The following CC2D1B variants were observed in gnomAD, a reference collection of about 807,000 sequenced individuals.
The protein encoded by CC2D1B is coiled-coil and C2 domain-containing protein 1B.
A neutral mutation model predicts 110.8 loss-of-function variants in CC2D1B; 92 were observed. The observed-to-expected ratio is 0.83, with a 90% CI of 0.70 to 0.99. The LOEUF (loss-of-function observed/expected upper bound fraction) is 0.99. CC2D1B is among the 50% of genes least tolerant of loss of function. The probability of loss-of-function intolerance (pLI) is 0.00; values close to 1 mark genes in which losing one functional copy is unlikely to be tolerated. For synonymous variants in CC2D1B, 406 were observed against 429.2 expected (o/e 0.95, Z 0.67); for missense variants, 1,136 against 1,089.0 (o/e 1.04, Z -0.61).
rs959087099 is a variant in CC2D1B at position 52,358,333 on chromosome 1, C to T, written c.1459G>A (p.Glu487Lys). 22 of 1,613,292 alleles carry T rather than the reference C, an allele frequency of 1.4e-5. No individual in the cohort carries two copies. Among genetic ancestry groups the T allele is most frequent in the East Asian group, 8.9e-5 (4 of 44,878 alleles). The part of the protein sequence containing the change: ...DSAPADKDED[E>K]GEPPAQAPVA... ...TGGAGTTGAGCCCTCAACCAAACCT[C>T]GTCCTCGTCTTTATCAGCCGGGGCT... The change falls in exon 13 of 25, where the codon GAG becomes AAG. Residue 487 changes from glutamate to lysine, a missense_variant and splice_region_variant. Physicochemically the swap from Glu to Lys is moderately conservative, Grantham distance 56. Coordinates refer to ENST00000284376, the MANE Select transcript of CC2D1B (RefSeq NM_001330585.2).
Position 52,355,609 on chromosome 1 carries a change from G to A in CC2D1B, c.2186C>T (p.Ser729Leu), listed in dbSNP as rs758309950. Residue 729 changes from serine (S) to leucine (L), a missense_variant and splice_region_variant, in exon 20 of 25, where the codon TCG becomes TTG. Coordinates refer to ENST00000284376, the MANE Select transcript of CC2D1B (RefSeq NM_001330585.2). ...ATCCTACTTCTACCTGAACCTCACC[G>A]AGTTAGGGTAGTGAAACTCAAACCG... Reference protein sequence around the residue: ...FVRFEFHYPNSDQAQKSKTAV... With the variant: ...FVRFEFHYPNLDQAQKSKTAV... 1.2e-6 allele frequency: 2 copies of A among 1,614,162 alleles called. No individual in the cohort carries two copies. The highest frequency in any genetic ancestry group is 1.7e-4 in the Middle Eastern group (1 of 6,058).
At chr1:52,358,836 C>T in intron 11 of CC2D1B, 78 bp from the exon 12 acceptor site, 2 of 1,487,818 alleles carry the variant, frequency 1.3e-6, no homozygotes, top group Non-Finnish European at 1.8e-6. Context: ...CACAGTGGGG[C>T]AAGGAGAGGG....
chr1:52,354,804 C>G (rs201162397), intron 22 of CC2D1B, 36 bp downstream of exon 22: 1 of 1,605,260 alleles, frequency 6.2e-7, no homozygotes, highest in South Asian at 1.1e-5. Flanking sequence ...TCCCTCCTCC[C>G]GGCCCGTGTG....
chr1:52,359,221 C>T, intron 10 of CC2D1B, 29 bp downstream of exon 10: 2 of 1,611,192 alleles, frequency 1.2e-6, no homozygotes, highest in African/African-American at 2.7e-5. Flanking sequence ...TGCAGGTCCC[C>T]ACGCCACAGT....
chr1:52,353,258 A>C (rs1415984198), intron 24 of CC2D1B, 35 bp from the exon 25 acceptor site: 1 of 1,411,412 alleles, frequency 7.1e-7, no homozygotes, highest in Admixed American at 2.4e-5. Flanking sequence ...AAGTCAGTCT[A>C]AACTGCAGTG....
At chr1:52,363,349 G>C (rs753529650) in intron 2 of CC2D1B, among the ~76,000 whole-genome samples, 19 of 150,746 alleles carry the variant, frequency 1.3e-4, no homozygotes, top group Non-Finnish European at 2.5e-4. Context: ...GAGCCAAGAT[G>C]GCGCCACTGC....
chr1:52,357,582 A>AT lies in CC2D1B; in HGVS notation c.1695dup (p.Trp566MetfsTer3). On this transcript the variant is annotated frameshift_variant, in exon 15 of 25. Coordinates refer to ENST00000284376, the MANE Select transcript of CC2D1B (RefSeq NM_001330585.2). LOFTEE classifies it high-confidence loss of function. ...GCCTGGATGATCTGAGCCTCAAGCC[A>AT]TTTGGCTACCCGCAGATAGGCTTTG... 1 of 1,585,916 alleles carries AT rather than the reference A, an allele frequency of 6.3e-7. No homozygotes were observed. The highest frequency in any genetic ancestry group is 8.6e-7 in the Non-Finnish European group (1 of 1,164,796).
chr1:52,361,606 G>C lies in CC2D1B; in HGVS notation c.225C>G (p.Pro75=). Residue 75 remains proline (P), a synonymous_variant, in exon 4 of 25, where the codon CCC becomes CCG. Transcript: ENST00000284376. ...CCGCCAACTTCTCGATGTGGGCCATGGGCAGGGGGGCTGGGGGAAAAAGGT... is the reference window on the plus strand; with the variant it reads ...CCGCCAACTTCTCGATGTGGGCCATCGGCAGGGGGGCTGGGGGAAAAAGGT... ...KPAPKGQAPL[P]MAHIEKLAAD... is the part of the protein sequence containing the mutation. 1 of 1,613,792 alleles carries C rather than the reference G, an allele frequency of 6.2e-7. No homozygotes were observed. Among genetic ancestry groups the C allele is most frequent in the Non-Finnish European group, 8.5e-7 (1 of 1,180,016 alleles).
At chr1:52,354,791 T>C in intron 22 of CC2D1B, 49 bp downstream of exon 22, 1 of 1,602,486 alleles carries the variant, frequency 6.2e-7, no homozygotes, top group Non-Finnish European at 8.6e-7. Flanking sequence ...TGACAAACGC[T>C]CTTCCCTCCT....
Position 52,356,049 on chromosome 1 carries a change from G to C in CC2D1B, c.2054+137C>G, listed in dbSNP as rs574924072. On this transcript the variant is annotated intron_variant, in intron 18 of 24. Coordinates refer to ENST00000284376, the MANE Select transcript of CC2D1B (RefSeq NM_001330585.2). The stretch of plus-strand genomic sequence containing the variant: ...TGCGCTCTCCACTAGCATGCACCCT[G>C]TCGTCCTCAGCAGCCCCAGTGCCCA... 1.6e-5 allele frequency: 14 copies of C among 896,828 alleles called. No individual in the cohort carries two copies. In the African/African-American group the frequency reaches 2.3e-4, roughly 15 times the overall value. 55.6% of individuals were successfully genotyped at this position (896,828 alleles called of 1,614,324 possible). A position where few individuals can be genotyped will look rare whatever the true frequency, so the allele number is the denominator to read the frequency against.
Position 52,360,517 on chromosome 1 carries a change from C to A in CC2D1B, c.510G>T (p.Leu170=), listed in dbSNP as rs888304641. The part of the protein sequence containing the change: ...AGASQGLHAL[L]EERIHNYREA... ...CTCGGTAGTTGTGAATCCGTTCCTC[C>A]AGCAAAGCGTGTAGCCCCTGAGATG... The change falls in exon 6 of 25, where the codon CTG becomes CTT. Residue 170 remains leucine, a synonymous_variant. Transcript: ENST00000284376. The A allele has an allele frequency of 1.2e-6, 2 of 1,614,032 alleles. No individual in the cohort carries two copies. Among genetic ancestry groups the A allele is most frequent in the Admixed American group, 1.7e-5 (1 of 60,012 alleles).
chr1:52,362,532 G>A, intron 3 of CC2D1B, 70 bp downstream of exon 3: 2 of 1,578,110 alleles, frequency 1.3e-6, no homozygotes, highest in Non-Finnish European at 1.7e-6. Context: ...CAGCTGCAAG[G>A]GAACCCCTCT....
chr1:52,359,574 G>T, intron 8 of CC2D1B, 40 bp from the exon 9 acceptor site: 1 of 1,605,968 alleles, frequency 6.2e-7, no homozygotes, highest in South Asian at 1.1e-5. Flanking sequence ...GAAAGACAGG[G>T]GACCCCAAGA....
chr1:52,361,389 A>G (rs1646779508), intron 4 of CC2D1B, 124 bp downstream of exon 4: 2 of 1,512,764 alleles, frequency 1.3e-6, no homozygotes, highest in South Asian at 1.2e-5. Flanking sequence ...TACAGCCAGG[A>G]GGGGCAAGCA....
intron 1 of CC2D1B, among the ~76,000 whole-genome samples, chr1:52,365,415 A>G (rs1032196695): frequency 2.0e-5 from 3 of 152,240 alleles, no homozygotes; most frequent in Non-Finnish European, 4.4e-5. Flanking sequence ...CACGCAAAGA[A>G]GTTGGGGGAA....
intron 23 of CC2D1B, 138 bp downstream of exon 23, chr1:52,354,470 T>G (rs1250942496): frequency 2.5e-6 from 2 of 807,110 alleles, no homozygotes; most frequent in African/African-American, 1.7e-5. Context: ...AAATGAGGAT[T>G]CCACCTACTC....
At position 52,351,543 on chromosome 1, in the gene CC2D1B, A is replaced by G. The variant is rs1646530514; in HGVS notation, c.*1682T>C. The G allele has an allele frequency of 6.6e-6, 1 of 152,106 alleles. No individual in the cohort carries two copies. The highest frequency in any genetic ancestry group is 2.4e-5 in the African/African-American group (1 of 41,434). The allele number at this position is 152,106 out of a possible 1,614,324, so 9.4% of individuals were successfully genotyped here. A position where few individuals can be genotyped will look rare whatever the true frequency, so the allele number is the denominator to read the frequency against. On this transcript the variant is annotated 3_prime_UTR_variant, in exon 25 of 25. Coordinates refer to ENST00000284376, the MANE Select transcript of CC2D1B (RefSeq NM_001330585.2). ...GCTGTGTTGCATACACGTGACTGCA[A>G]TTAAGTGTTAAATCTCACATCTGTG...
Position 52,364,562 on chromosome 1 carries a change from G to A in CC2D1B, c.59C>T (p.Ala20Val). Reference protein sequence around the residue: ...GPQARGQGVAAAKQMGLFMEF... With the variant: ...GPQARGQGVAVAKQMGLFMEF... ...GGCTAAGTTCCATACCTGCTTGGCA[G>A]CGGCCACCCCTTGGCCTCTGGCCTG... is the stretch of plus-strand genomic sequence containing the variant. Residue 20 changes from alanine to valine, a missense_variant, in exon 2 of 25, where the codon GCT becomes GTT. Coordinates refer to ENST00000284376, the MANE Select transcript of CC2D1B (RefSeq NM_001330585.2). 4 of 1,601,738 alleles carry A rather than the reference G, an allele frequency of 2.5e-6. No individual in the cohort carries two copies. Among genetic ancestry groups the A allele is most frequent in the Non-Finnish European group, 3.4e-6 (4 of 1,170,440 alleles).
In CC2D1B at chr1:52,352,459, G is replaced by A. The variant is rs1646545906; in HGVS notation, c.*766C>T. 3 of 152,576 alleles carry A rather than the reference G, an allele frequency of 2.0e-5. No homozygotes were observed. 9.5% of individuals were successfully genotyped at this position (152,576 alleles called of 1,614,324 possible). A position where few individuals can be genotyped will look rare whatever the true frequency, so the allele number is the denominator to read the frequency against. On this transcript the variant is annotated 3_prime_UTR_variant, in exon 25 of 25. Transcript: ENST00000284376. ...CAGGACTTTAGATTAGGACTTTGGT[G>A]GATACTCTGTATAGTTGAGTATAAA...
Sources: allele counts gnomAD v4.1 joint callset (sites outside exome capture counted in the v4.1 genomes callset), GRCh38; gene constraint gnomAD v4.1.1; transcripts MANE v1.5; gene names NCBI Gene and HGNC (gene_info 2026-07-23, HGNC 2026-07-21).